ZBBX: variants seen among roughly 807,000 people sequenced by gnomAD.
ZBBX encodes zinc finger B-box domain-containing protein 1.
Under a neutral mutation model 108.5 loss-of-function variants are expected in ZBBX, and 101 were observed. The observed-to-expected ratio is 0.93, with a 90% CI of 0.79 to 1.10. The LOEUF (loss-of-function observed/expected upper bound fraction) is 1.10. ZBBX is among the 50% of genes least tolerant of loss of function. The pLI is 0.00. For synonymous variants in ZBBX, 356 were observed against 323.4 expected (o/e 1.10, Z -1.08); for missense variants, 1,009 against 941.4 (o/e 1.07, Z -0.94).
chr3:167,391,787 A>G (rs144055266), intron 1 of ZBBX, among the ~76,000 whole-genome samples: 8 of 152,016 alleles, frequency 5.3e-5, no homozygotes, highest in African/African-American at 1.7e-4. Context: ...TTACATTTCA[A>G]TGACTTTGAC....
chr3:167,318,588 A>G (rs1006980436), intron 12 of ZBBX, among the ~76,000 whole-genome samples: 2 of 151,960 alleles, frequency 1.3e-5, no homozygotes, highest in Admixed American at 1.3e-4. Context: ...AAAGGCATTA[A>G]AATTTTGATA....
intron 20 of ZBBX, 77 bp downstream of exon 20, chr3:167,282,161 T>C (rs1395896746): frequency 3.5e-6 from 5 of 1,420,202 alleles, no homozygotes; most frequent in Non-Finnish European, 4.7e-6. Flanking sequence ...CTTGTTTTGT[T>C]AGCGCAAGAT....
rs529005157 is a variant in ZBBX at position 167,252,226 on chromosome 3, A to T, written c.2255-9583T>A. 7 of 1,277,856 alleles carry T rather than the reference A, an allele frequency of 5.5e-6. No individual in the cohort carries two copies. In the African/African-American group the frequency reaches 1.1e-4, roughly 19 times the overall value. The allele number at this position is 1,277,856 out of a possible 1,614,324, so 79.2% of individuals were successfully genotyped here. A position where few individuals can be genotyped will look rare whatever the true frequency, so the allele number is the denominator to read the frequency against. On this transcript the variant is annotated intron_variant, in intron 20 of 21. Transcript: ENST00000675490. ...GTGGATGCATCCTAGAAATAGCAGA[A>T]AACAAGTCAGAGAGGTTGCTGTACA... is the stretch of plus-strand genomic sequence containing the variant.
chr3:167,342,304 T>A (rs1740668860), intron 9 of ZBBX, among the ~76,000 whole-genome samples: 1 of 151,794 alleles, frequency 6.6e-6, no homozygotes, highest in Admixed American at 6.6e-5. Context: ...ATATTCTGCA[T>A]CAACATGATT....
intron 20 of ZBBX, among the ~76,000 whole-genome samples, chr3:167,243,673 T>C (rs1332855654): frequency 6.6e-6 from 1 of 151,362 alleles, no homozygotes; most frequent in Non-Finnish European, 1.5e-5. Flanking sequence ...TTTACTTTTA[T>C]GAGAGGACCA....
At chr3:167,266,605 C>T (rs2108447927) in intron 20 of ZBBX, among the ~76,000 whole-genome samples, 1 of 152,230 alleles carries the variant, frequency 6.6e-6, no homozygotes, top group South Asian at 2.1e-4. Flanking sequence ...TTTTGCGGTC[C>T]AACCCCAGCC....
chr3:167,341,961 C>T (rs1198552743), intron 9 of ZBBX, among the ~76,000 whole-genome samples: 1 of 151,068 alleles, frequency 6.6e-6, no homozygotes, highest in Non-Finnish European at 1.5e-5. Context: ...ACGTATATTA[C>T]AGCAAGCAAA....
At chr3:167,299,589 C>T (rs1233085472) in intron 17 of ZBBX, among the ~76,000 whole-genome samples, 1 of 152,106 alleles carries the variant, frequency 6.6e-6, no homozygotes, top group Non-Finnish European at 1.5e-5. Context: ...GTTTTAGAGC[C>T]AGAACAAAGG....
At chr3:167,246,167 A>G (rs1302623162) in intron 20 of ZBBX, among the ~76,000 whole-genome samples, 1 of 152,136 alleles carries the variant, frequency 6.6e-6, no homozygotes, top group African/African-American at 2.4e-5. Context: ...GCAACCAGTA[A>G]TTATTATTAC....
intron 5 of ZBBX, 112 bp from the exon 6 acceptor site, chr3:167,366,088 C>A: frequency 1.5e-6 from 1 of 649,786 alleles, no homozygotes. Flanking sequence ...TGTTAACATG[C>A]AGTAAACAAG....
At chr3:167,272,048 A>T (rs1248068687) in intron 20 of ZBBX, among the ~76,000 whole-genome samples, 1 of 152,206 alleles carries the variant, frequency 6.6e-6, no homozygotes, top group Admixed American at 6.5e-5. Flanking sequence ...CATCTTCATC[A>T]GGGAGAGTAG....
At chr3:167,193,596 G>A in the ZBBX span, among the ~76,000 whole-genome samples, 6 of 152,040 alleles carry the variant, frequency 3.9e-5, no homozygotes, top group African/African-American at 1.4e-4. Flanking sequence ...TCTGTGGTGA[G>A]TAATATAGTC....
the ZBBX span, among the ~76,000 whole-genome samples, chr3:167,193,045 T>C: frequency 6.6e-6 from 1 of 152,194 alleles, no homozygotes; most frequent in African/African-American, 2.4e-5. Context: ...TGTACACCTA[T>C]GTCTTTGCAT....
At chr3:167,367,668 C>T (rs927758847) in intron 5 of ZBBX, among the ~76,000 whole-genome samples, 1 of 150,238 alleles carries the variant, frequency 6.7e-6, no homozygotes, top group Non-Finnish European at 1.5e-5. Flanking sequence ...CATGTATATA[C>T]GTATACTTAC....
At position 167,322,177 on chromosome 3, in the gene ZBBX, A is replaced by G. The variant is rs762677777; in HGVS notation, c.923T>C (p.Ile308Thr). The G allele has an allele frequency of 4.1e-6, 6 of 1,471,594 alleles. No homozygotes were observed. Among genetic ancestry groups the G allele is most frequent in the Non-Finnish European group, 5.4e-6 (6 of 1,104,638 alleles). 91.2% of individuals were successfully genotyped at this position (1,471,594 alleles called of 1,614,324 possible). The change falls in exon 12 of 22, where the codon ATT (isoleucine) becomes ACT (threonine). Residue 308 changes from isoleucine (I) to threonine (T), a missense_variant. Coordinates refer to ENST00000675490, the MANE Select transcript of ZBBX (RefSeq NM_001199201.2). ...GGATAGAATGTCTTCTTTAAGTTCA[A>G]TATTAAGTGGTTCTCTCCAAATTTT... is the stretch of plus-strand genomic sequence containing the variant. ...NLKIWREPLN[I>T]ELKEDILSYM...
At chr3:167,344,984 C>T (rs1008468963) in intron 9 of ZBBX, among the ~76,000 whole-genome samples, 3 of 151,828 alleles carry the variant, frequency 2.0e-5, no homozygotes, top group African/African-American at 4.8e-5. Context: ...GGAGGAAAAG[C>T]TTTTGTTAAC....
At chr3:167,336,815 TTTTG>T (rs1200943887) in intron 9 of ZBBX, among the ~76,000 whole-genome samples, 11 of 152,208 alleles carry the variant, frequency 7.2e-5, no homozygotes, top group Non-Finnish European at 1.5e-4. Flanking sequence ...AGGGGTTTAG[TTTTG>T]TTTGTTTCTT....
In ZBBX at chr3:167,333,972, A is replaced by AT; in HGVS notation, c.541dup (p.Ile181AsnfsTer17). 1 of 1,564,016 alleles carries AT rather than the reference A, an allele frequency of 6.4e-7. No homozygotes were observed. The highest frequency in any genetic ancestry group is 1.2e-5 in the South Asian group (1 of 81,256). ...GGCAACATCCAATACATTGAATAAT[A>AT]TTTGAGATTTTGCCTATTAAAAAAG... is the stretch of plus-strand genomic sequence containing the variant. On this transcript the variant is annotated frameshift_variant, in exon 10 of 22. Coordinates refer to ENST00000675490, the MANE Select transcript of ZBBX (RefSeq NM_001199201.2). LOFTEE classifies it high-confidence loss of function.
intron 17 of ZBBX, among the ~76,000 whole-genome samples, chr3:167,305,178 C>T (rs1733399604): frequency 6.6e-6 from 1 of 152,088 alleles, no homozygotes; most frequent in Non-Finnish European, 1.5e-5. Flanking sequence ...ACCTCTATTT[C>T]CTTATTAGCC....
Sources: gnomAD v4.1 joint callset for allele counts (sites outside exome capture counted in the v4.1 genomes callset) on GRCh38, gnomAD v4.1.1 for gene constraint, MANE v1.5 for transcripts, NCBI Gene and HGNC (gene_info 2026-07-23, HGNC 2026-07-21) for gene names.